ZNF438: variants seen among roughly 807,000 people sequenced by gnomAD.
ZNF438 encodes the protein zinc finger protein 438.
In ZNF438, 25 loss-of-function variants were observed where a neutral mutation model predicts 38.0. That is an observed-to-expected ratio of 0.66 (90% CI 0.48 to 0.92). The LOEUF (loss-of-function observed/expected upper bound fraction) is 0.92. ZNF438 is among the 40% of genes least tolerant of loss of function. ZNF438 has a pLI of 0.00. For synonymous variants in ZNF438, 372 were observed against 364.1 expected, an observed-to-expected ratio of 1.02 and a Z score of -0.25; for missense variants, 1,007 against 999.6, an observed-to-expected ratio of 1.01 and a Z score of -0.10.
At chr10:30,959,885 A>G (rs890727938) in intron 1 of ZNF438, among the ~76,000 whole-genome samples, 1 of 147,614 alleles carries the variant, frequency 6.8e-6, no homozygotes, top group Non-Finnish European at 1.5e-5. Context: ...AACAATTTAC[A>G]TTCCTACCAA....
chr10:30,966,669 C>A (rs376260348), intron 1 of ZNF438, among the ~76,000 whole-genome samples: 236 of 129,758 alleles, frequency 1.8e-3, no homozygotes, highest in Admixed American at 2.1e-3. Flanking sequence ...GACTCCATCT[C>A]AAAAAAAAAA....
In ZNF438 at chr10:30,875,364, C is replaced by T. The variant is rs994968600; in HGVS notation, c.37+1634G>A. On this transcript the variant is annotated intron_variant, in intron 4 of 5. Transcript: ENST00000413025. ...AGCCTGAAAGGAACACCTAGTCATT[C>T]TCGATTTTTCAATGAGAAAACTGAG... is the stretch of plus-strand genomic sequence containing the variant. 14 of 985,114 alleles carry T rather than the reference C, an allele frequency of 1.4e-5. No individual in the cohort carries two copies. In the South Asian group the frequency reaches 2.8e-4, roughly 20 times the overall value. 61.0% of individuals were successfully genotyped at this position (985,114 alleles called of 1,614,324 possible). A position where few individuals can be genotyped will look rare whatever the true frequency, so the allele number is the denominator to read the frequency against.
At chr10:31,027,295 C>G (rs1470358612) in intron 1 of ZNF438, among the ~76,000 whole-genome samples, 1 of 152,044 alleles carries the variant, frequency 6.6e-6, no homozygotes, top group Non-Finnish European at 1.5e-5. Flanking sequence ...TCAGTATGTA[C>G]TATCACTGGG....
intron 1 of ZNF438, among the ~76,000 whole-genome samples, chr10:30,964,591 T>C (rs1467606837): frequency 6.6e-6 from 1 of 152,168 alleles, no homozygotes; most frequent in Non-Finnish European, 1.5e-5. Flanking sequence ...TGGGGGAAAA[T>C]ATAAGTGTTC....
chr10:31,017,108 C>T (rs2056254340), intron 1 of ZNF438, among the ~76,000 whole-genome samples: 1 of 152,198 alleles, frequency 6.6e-6, no homozygotes, highest in Non-Finnish European at 1.5e-5. Context: ...GAGATTAATG[C>T]AATTAAGTCT....
rs192523124 is a variant in ZNF438, at chr10:30,898,627, G to A, written c.-32+10306C>T. Among the ~76,000 whole-genome samples the A allele has an allele frequency of 2.4e-3, 369 of 151,960 alleles. 1 individual carries two copies. The highest frequency in any genetic ancestry group is 8.3e-3 in the African/African-American group (346 of 41,454). ...ACTAAAAATAATAACCGTTCTAAAA[G>A]GGGGGGAACGCTTAGTTAGATTCCA... On this transcript the variant is annotated intron_variant, in intron 3 of 5. Coordinates refer to ENST00000413025, the Ensembl canonical transcript of ZNF438.
chr10:31,014,809 T>A lies in ZNF438; in HGVS notation c.-192+17024A>T, dbSNP rs368364786. 6.6e-5 allele frequency among the ~76,000 whole-genome samples: 10 copies of A among 152,196 alleles called. No individual in the cohort carries two copies. In the East Asian group the frequency reaches 1.9e-3, roughly 29 times the overall value. On this transcript the variant is annotated intron_variant, in intron 1 of 5. Transcript: ENST00000413025. ...CAGTAAACATGCAATAAATATGTCATTCTTACTGTTATAATTATATATAAA... is the reference window on the plus strand; with the variant it reads ...CAGTAAACATGCAATAAATATGTCAATCTTACTGTTATAATTATATATAAA...
intron 1 of ZNF438, among the ~76,000 whole-genome samples, chr10:30,947,942 A>C (rs2047639973): frequency 6.6e-6 from 1 of 152,192 alleles, no homozygotes; most frequent in Non-Finnish European, 1.5e-5. Flanking sequence ...TGAACCCAGT[A>C]CCTCAGATGG....
At chr10:31,024,353 G>A (rs1041521632) in intron 1 of ZNF438, among the ~76,000 whole-genome samples, 9 of 152,194 alleles carry the variant, frequency 5.9e-5, no homozygotes, top group Non-Finnish European at 1.0e-4. Context: ...ACGGCCGAGC[G>A]CAGTGGCTTA....
chr10:31,026,854 A>G (rs1395645883), intron 1 of ZNF438, among the ~76,000 whole-genome samples: 1 of 152,188 alleles, frequency 6.6e-6, no homozygotes, highest in Non-Finnish European at 1.5e-5. Flanking sequence ...ATGTCCATCA[A>G]TGATAGACTG....
chr10:30,921,090 T>C (rs2134943963), intron 2 of ZNF438: 1 of 152,358 alleles, frequency 6.6e-6, no homozygotes, highest in East Asian at 1.9e-4. Context: ...GCATTCACGG[T>C]ATCAAGCAAA....
At chr10:31,005,172 A>G (rs746340426) in intron 1 of ZNF438, among the ~76,000 whole-genome samples, 3 of 152,252 alleles carry the variant, frequency 2.0e-5, no homozygotes, top group Non-Finnish European at 4.4e-5. Context: ...TGTTCACTGT[A>G]GCATGAGCCA....
chr10:30,874,960 C>T lies in ZNF438; in HGVS notation c.37+2038G>A, dbSNP rs145861261. Among the ~76,000 whole-genome samples, 745 of 152,050 alleles carry T rather than the reference C, an allele frequency of 4.9e-3. 29 individuals carry two copies. The South Asian group carries it at 0.075, about 15-fold the overall frequency. The stretch of plus-strand genomic sequence containing the variant: ...TCTTGAAGTTGTAAAATAAGGTTTA[C>T]GTCTAACTTATTGTGAAGATTAAAT... On this transcript the variant is annotated intron_variant, in intron 4 of 5. Coordinates refer to ENST00000413025, the Ensembl canonical transcript of ZNF438.
intron 2 of ZNF438, among the ~76,000 whole-genome samples, chr10:30,922,069 ATAT>A (rs1436588506): frequency 6.6e-6 from 1 of 152,228 alleles, no homozygotes; most frequent in Non-Finnish European, 1.5e-5. Context: ...TACTTGGCCC[ATAT>A]TATTATATGA....
At chr10:30,883,181 C>T (rs1445684125) in intron 3 of ZNF438, among the ~76,000 whole-genome samples, 1 of 152,142 alleles carries the variant, frequency 6.6e-6, no homozygotes, top group South Asian at 2.1e-4. Flanking sequence ...AATAATACTA[C>T]TTTTTTGCCT....
chr10:30,950,024 A>T (rs1185953388), intron 1 of ZNF438, among the ~76,000 whole-genome samples: 1 of 152,170 alleles, frequency 6.6e-6, no homozygotes, highest in African/African-American at 2.4e-5. Flanking sequence ...CAAATGTAAA[A>T]GAACAGAAAT....
chr10:30,881,146 A>G (rs1231994906), intron 3 of ZNF438, among the ~76,000 whole-genome samples: 1 of 152,180 alleles, frequency 6.6e-6, no homozygotes, highest in Non-Finnish European at 1.5e-5. Context: ...AGTGCAATAG[A>G]GCAAAAATAA....
rs75500231 is a variant in ZNF438 at position 30,913,258 on chromosome 10, T to A, written c.-114-4243A>T. On this transcript the variant is annotated intron_variant, in intron 2 of 5. Transcript: ENST00000413025. ...TTATTAAATATGACCTAAAAAGCTC[T>A]ATAAGGTCTGAACTCTGCCTCCCTC... Among the ~76,000 whole-genome samples the A allele has an allele frequency of 5.9e-3, 902 of 152,166 alleles. 11 individuals carry two copies. Among genetic ancestry groups the A allele is most frequent in the African/African-American group, 0.021 (869 of 41,498 alleles).
At position 30,869,370 on chromosome 10, in the gene ZNF438, G is replaced by A. The variant is rs534943880; in HGVS notation, c.37+7628C>T. On this transcript the variant is annotated intron_variant, in intron 4 of 5. Coordinates refer to ENST00000413025, the Ensembl canonical transcript of ZNF438. ...GCCTGGACAACAAGAGCTAAACTCC[G>A]TCTCAAAAACAAAACAAAAAAGAAA... Among the ~76,000 whole-genome samples the A allele has an allele frequency of 2.6e-4, 36 of 140,078 alleles. No homozygotes were observed. The South Asian group carries it at 5.0e-3, about 20-fold the overall frequency. 91.9% of individuals were successfully genotyped at this position (140,078 alleles called of 152,430 possible).
Sources: gnomAD v4.1 joint callset for allele counts (sites outside exome capture counted in the v4.1 genomes callset) on GRCh38, gnomAD v4.1.1 for gene constraint, MANE v1.5 for transcripts, NCBI Gene and HGNC (gene_info 2026-07-23, HGNC 2026-07-21) for gene names.